CDH4: variants seen among roughly 807,000 people sequenced by gnomAD.
The protein encoded by CDH4 is cadherin-4.
In CDH4, 33 loss-of-function variants were observed where a neutral mutation model predicts 86.0. That is an observed-to-expected ratio of 0.38 (90% confidence interval 0.29 to 0.51). CDH4 has a LOEUF of 0.51. Among genes scored for constraint, CDH4 ranks in the 20% least tolerant of loss-of-function variants. The probability of loss-of-function intolerance (pLI) is 0.86; values close to 1 mark genes in which losing one functional copy is unlikely to be tolerated. For synonymous variants in CDH4, 555 were observed against 549.4 expected, an observed-to-expected ratio of 1.01 and a Z score of -0.14; for missense variants, 1,114 against 1,307.4, an observed-to-expected ratio of 0.85 and a Z score of 2.28.
rs899353190 is a variant in CDH4, at chr20:61,933,952, C to T, written c.2380-104C>T. On this transcript the variant is annotated intron_variant, in intron 14 of 15. Coordinates refer to ENST00000614565, the MANE Select transcript of CDH4 (RefSeq NM_001794.5). ...GATGCTTGGAGACCAGGCCACAGGG[C>T]AGCAGGTGCATCTGTGGCCCAGGTG... 26 of 1,304,998 alleles carry T rather than the reference C, an allele frequency of 2.0e-5. No individual in the cohort carries two copies. The East Asian group carries it at 5.3e-4, about 27-fold the overall frequency. The allele number at this position is 1,304,998 out of a possible 1,614,324, so 80.8% of individuals were successfully genotyped here. A position where few individuals can be genotyped will look rare whatever the true frequency, so the allele number is the denominator to read the frequency against.
chr20:61,461,665 C>T (rs1294187942), intron 2 of CDH4, among the ~76,000 whole-genome samples: 1 of 152,168 alleles, frequency 6.6e-6, no homozygotes, highest in East Asian at 1.9e-4. Context: ...TGAACTGTTA[C>T]TCTCTGGAAT....
At chr20:61,888,898 C>G (rs1055669457) in intron 7 of CDH4, among the ~76,000 whole-genome samples, 8 of 152,206 alleles carry the variant, frequency 5.3e-5, no homozygotes, top group African/African-American at 1.9e-4. Flanking sequence ...GTCTTCCCCT[C>G]CGTAAATGGT....
intron 8 of CDH4, 91 bp downstream of exon 8, chr20:61,895,138 C>G: frequency 2.1e-5 from 31 of 1,466,092 alleles, no homozygotes; most frequent in Non-Finnish European, 2.6e-5. Context: ...CTCTGCGGCT[C>G]TGCCTGACGG....
At chr20:61,702,838 T>C (rs1420078913) in intron 2 of CDH4, among the ~76,000 whole-genome samples, 1 of 152,218 alleles carries the variant, frequency 6.6e-6, no homozygotes, top group Non-Finnish European at 1.5e-5. Flanking sequence ...TTCCATTTGA[T>C]TGAAATTTAG....
chr20:61,686,555 A>G (rs1472317727), intron 2 of CDH4, among the ~76,000 whole-genome samples: 4 of 137,858 alleles, frequency 2.9e-5, no homozygotes, highest in African/African-American at 1.1e-4. Context: ...ATTCGCGTGT[A>G]TGTGCATGTG....
At chr20:61,643,862 G>A (rs560991214) in intron 2 of CDH4, among the ~76,000 whole-genome samples, 1 of 152,350 alleles carries the variant, frequency 6.6e-6, no homozygotes, top group East Asian at 1.9e-4. Flanking sequence ...CCCAGTAGGC[G>A]GAGCCCCTGC....
At position 61,934,294 on chromosome 20, in the gene CDH4, G is replaced by A. The variant is rs192825817; in HGVS notation, c.2544+74G>A. ...AAATTAAATTCTGGTAACACACACAGAAGCCATCTCCACAGTGCCGGCGGC... is the reference window on the plus strand; with the variant it reads ...AAATTAAATTCTGGTAACACACACAAAAGCCATCTCCACAGTGCCGGCGGC... On this transcript the variant is annotated intron_variant, in intron 15 of 15. Transcript: ENST00000614565. 1.3e-5 allele frequency: 19 copies of A among 1,452,970 alleles called. 1 individual carries two copies. The Middle Eastern group carries it at 1.5e-3, about 113-fold the overall frequency. The allele number at this position is 1,452,970 out of a possible 1,614,324, so 90.0% of individuals were successfully genotyped here.
At chr20:61,819,219 C>T (rs1351975066) in intron 4 of CDH4, among the ~76,000 whole-genome samples, 1 of 152,200 alleles carries the variant, frequency 6.6e-6, no homozygotes, top group Non-Finnish European at 1.5e-5. Flanking sequence ...CCTGTAGGGA[C>T]CAAGGTAAGT....
intron 2 of CDH4, among the ~76,000 whole-genome samples, chr20:61,723,922 T>TGCGGCAG (rs2088075774): frequency 2.2e-5 from 3 of 133,544 alleles, no homozygotes; most frequent in South Asian, 2.7e-4. Context: ...GGAGGCTCCA[T>TGCGGCAG]GTGGCAGGGG....
intron 1 of CDH4, among the ~76,000 whole-genome samples, chr20:61,254,290 C>T (rs1051285351): frequency 1.3e-5 from 2 of 152,228 alleles, no homozygotes; most frequent in African/African-American, 2.4e-5. Context: ...CTTCTTCGAC[C>T]GGCTCCGGAC....
chr20:61,523,326 C>T (rs900189929), intron 2 of CDH4, among the ~76,000 whole-genome samples: 2 of 152,258 alleles, frequency 1.3e-5, no homozygotes, highest in South Asian at 2.1e-4. Context: ...GGTCTCTGCT[C>T]GCCGGTCTCT....
At chr20:61,296,276 C>CATGTGTGT (rs1294672453) in intron 2 of CDH4, among the ~76,000 whole-genome samples, 3 of 53,718 alleles carry the variant, frequency 5.6e-5, no homozygotes, top group Non-Finnish European at 6.7e-5. Flanking sequence ...TGTGTGTGTG[C>CATGTGTGT]GTGGGTGCGT....
chr20:61,702,939 G>A (rs2087791867), intron 2 of CDH4, among the ~76,000 whole-genome samples: 1 of 152,200 alleles, frequency 6.6e-6, no homozygotes, highest in Non-Finnish European at 1.5e-5. Context: ...GTCTTGCCAG[G>A]CGTGTGCTCA....
At chr20:61,565,090 T>TG (rs1383234640) in intron 2 of CDH4, among the ~76,000 whole-genome samples, 8,819 of 85,194 alleles carry the variant, frequency 0.1, 560 homozygotes, top group East Asian at 0.24. Context: ...GTGGTGGTGC[T>TG]CTTGGTGGTG....
rs2087278343 is a variant in CDH4 at position 61,663,015 on chromosome 20, G to A, written c.170-80548G>A. Among the ~76,000 whole-genome samples, 2 of 152,104 alleles carry A rather than the reference G, an allele frequency of 1.3e-5. No homozygotes were observed. The highest frequency in any genetic ancestry group is 2.4e-5 in the African/African-American group (1 of 41,436). On this transcript the variant is annotated intron_variant, in intron 2 of 15. Coordinates refer to ENST00000614565, the MANE Select transcript of CDH4 (RefSeq NM_001794.5). The surrounding 1 kb of genome is among the most constrained non-coding windows in gnomAD (Gnocchi z 5.0). ...CCCTCCCCACAGGCACTGGCACAGC[G>A]GCCCGGGGTAGAACCCATGGCCCTG...
intron 2 of CDH4, among the ~76,000 whole-genome samples, chr20:61,589,090 T>C (rs1259977108): frequency 6.6e-6 from 1 of 152,250 alleles, no homozygotes; most frequent in Non-Finnish European, 1.5e-5. Context: ...AATCTGTTCC[T>C]TGGGTATTAG....
intron 2 of CDH4, among the ~76,000 whole-genome samples, chr20:61,444,259 C>G (rs201507797): frequency 0.01 from 5 of 478 alleles, no homozygotes; most frequent in African/African-American, 0.046. Flanking sequence ...TCATGTGTAT[C>G]TATGTGTGTG....
At chr20:61,657,484 T>C (rs929998482) in intron 2 of CDH4, among the ~76,000 whole-genome samples, 4 of 152,238 alleles carry the variant, frequency 2.6e-5, no homozygotes, top group African/African-American at 9.6e-5. Context: ...TCTTCTGCCC[T>C]TTTTTCTCAT....
intron 8 of CDH4, among the ~76,000 whole-genome samples, chr20:61,906,681 A>G (rs1236529824): frequency 1.3e-5 from 2 of 151,528 alleles, no homozygotes; most frequent in Non-Finnish European, 2.9e-5. Flanking sequence ...CTTTGGGGCA[A>G]GACGGTGTCC....
Sources: gnomAD v4.1 joint callset for allele counts (sites outside exome capture counted in the v4.1 genomes callset) on GRCh38, gnomAD v4.1.1 for gene constraint, Gnocchi (gnomAD v3.1) non-coding constraint, MANE v1.5 for transcripts, NCBI Gene and HGNC (gene_info 2026-07-23, HGNC 2026-07-21) for gene names.